PLXNA4: variants seen among roughly 807,000 people sequenced by gnomAD.
The protein encoded by PLXNA4 is plexin A4.
PLXNA4 carries 44 observed loss-of-function variants against 191.8 expected under a neutral mutation model. The ratio of observed to expected loss-of-function variants is 0.23; its 90% CI spans 0.18 to 0.29. The LOEUF is 0.29. Ranked by LOEUF, PLXNA4 falls within the 10% of genes least tolerant of loss-of-function variation. The pLI, the probability that PLXNA4 is intolerant of heterozygous loss-of-function variation, is 1.00. For synonymous variants in PLXNA4, 1,082 were observed against 1,009.5 expected (o/e 1.07, Z -1.36); for missense variants, 1,800 against 2,488.8 (o/e 0.72, Z 5.89).
intron 3 of PLXNA4, among the ~76,000 whole-genome samples, chr7:132,483,571 G>A (rs932916062): frequency 6.6e-6 from 1 of 152,218 alleles, no homozygotes; most frequent in Non-Finnish European, 1.5e-5. Flanking sequence ...TGACATTTGT[G>A]TATCAGCTGA....
chr7:132,161,856 C>T (rs1466596450), intron 24 of PLXNA4, among the ~76,000 whole-genome samples: 1 of 152,172 alleles, frequency 6.6e-6, no homozygotes, highest in Non-Finnish European at 1.5e-5. Flanking sequence ...GTACCCAGTG[C>T]TCTAGTGGGC....
intron 4 of PLXNA4, among the ~76,000 whole-genome samples, chr7:132,254,992 G>C (rs756994739): frequency 1.3e-5 from 2 of 152,084 alleles, no homozygotes; most frequent in Non-Finnish European, 2.9e-5. Flanking sequence ...CCATTCTCAG[G>C]GGGGGTGGCC....
Position 132,451,040 on chromosome 7 carries a change from C to T in PLXNA4, c.1371+38252G>A, listed in dbSNP as rs575718892. ...CTTCAAGGTGTAGATTATACAAACCCAGAAGTCCTAGTTACTCACTAACCC... is the reference window on the plus strand; with the variant it reads ...CTTCAAGGTGTAGATTATACAAACCTAGAAGTCCTAGTTACTCACTAACCC... On this transcript the variant is annotated intron_variant, in intron 3 of 31. Transcript: ENST00000321063. Among the ~76,000 whole-genome samples, 40 of 152,234 alleles carry T rather than the reference C, an allele frequency of 2.6e-4. No homozygotes were observed. In the South Asian group the frequency reaches 8.1e-3, roughly 31 times the overall value.
rs931473943 is a variant in PLXNA4 at position 132,130,036 on chromosome 7, C to T, written c.*443G>A. On this transcript the variant is annotated 3_prime_UTR_variant, in exon 32 of 32. Transcript: ENST00000321063. ...CAGTAAAGATAATACTGAAGTCCTTCCTTGCCTCTTCCCTAGGCCAAGGCT... is the reference window on the plus strand; with the variant it reads ...CAGTAAAGATAATACTGAAGTCCTTTCTTGCCTCTTCCCTAGGCCAAGGCT... 1 of 180,996 alleles carries T rather than the reference C, an allele frequency of 5.5e-6. No homozygotes were observed. The highest frequency in any genetic ancestry group is 5.4e-5 in the Admixed American group (1 of 18,410). The allele number at this position is 180,996 out of a possible 1,614,324, so 11.2% of individuals were successfully genotyped here.
chr7:132,622,962 T>G (rs2116869079), intron 2 of PLXNA4, among the ~76,000 whole-genome samples: 2 of 152,252 alleles, frequency 1.3e-5, no homozygotes, highest in Middle Eastern at 6.8e-3. Flanking sequence ...CTGTCAAAGC[T>G]ATTTGTGCAG....
chr7:132,311,193 T>TGTGCGC (rs71178034), intron 3 of PLXNA4, among the ~76,000 whole-genome samples: 5 of 89,828 alleles, frequency 5.6e-5, no homozygotes, highest in African/African-American at 1.2e-4. Context: ...TGTGTGTGTG[T>TGTGCGC]GCGCGTGTGG....
intron 30 of PLXNA4, among the ~76,000 whole-genome samples, chr7:132,137,218 C>CTT (rs1406597397): frequency 6.6e-6 from 1 of 152,100 alleles, no homozygotes; most frequent in Non-Finnish European, 1.5e-5. Context: ...ATTTAAAATT[C>CTT]TTAACCTTTT....
rs555232899 is a variant in PLXNA4 at position 132,142,446 on chromosome 7, C to T, written c.5226-1635G>A. Among the ~76,000 whole-genome samples, 3 of 152,304 alleles carry T rather than the reference C, an allele frequency of 2.0e-5. No individual in the cohort carries two copies. In the South Asian group the frequency reaches 6.2e-4, roughly 32 times the overall value. On this transcript the variant is annotated intron_variant, in intron 29 of 31. Transcript: ENST00000321063. ...TTAAATTCTTTGAATTACATCATTT[C>T]AATAGAACCAGTACAATATTTCTAT...
chr7:132,537,092 G>A (rs189841108), intron 1 of PLXNA4, among the ~76,000 whole-genome samples: 2 of 152,292 alleles, frequency 1.3e-5, no homozygotes, highest in Admixed American at 6.5e-5. Flanking sequence ...CTGGAGGAGC[G>A]AGCTTTCTTT....
chr7:132,630,743 C>A (rs769403117), intron 2 of PLXNA4, among the ~76,000 whole-genome samples: 3 of 152,118 alleles, frequency 2.0e-5, no homozygotes, highest in African/African-American at 7.2e-5. Context: ...AATCTCCTGA[C>A]CTTGTGATCC....
chr7:132,373,110 C>G (rs187470095), intron 3 of PLXNA4, among the ~76,000 whole-genome samples: 1 of 152,102 alleles, frequency 6.6e-6, no homozygotes, highest in Admixed American at 6.5e-5. Flanking sequence ...CCATTTTGCA[C>G]GGGCACTAAT....
At chr7:132,372,143 T>A (rs1410532391) in intron 3 of PLXNA4, among the ~76,000 whole-genome samples, 1 of 152,194 alleles carries the variant, frequency 6.6e-6, no homozygotes, top group Non-Finnish European at 1.5e-5. Flanking sequence ...AAGATTTACA[T>A]CACGTGACCT....
chr7:132,342,857 G>T (rs867734097), intron 3 of PLXNA4, among the ~76,000 whole-genome samples: 1 of 147,866 alleles, frequency 6.8e-6, no homozygotes, highest in Non-Finnish European at 1.5e-5. Flanking sequence ...TGAGGAGGGA[G>T]AATCGTTTGA....
chr7:132,181,739 G>A, intron 17 of PLXNA4, 119 bp from the exon 18 acceptor site: 2 of 1,475,130 alleles, frequency 1.4e-6, no homozygotes, highest in Non-Finnish European at 1.8e-6. Context: ...AAGAGGATTA[G>A]AGATGAGTCA....
intron 2 of PLXNA4, among the ~76,000 whole-genome samples, chr7:132,632,005 C>T (rs1189999188): frequency 6.6e-6 from 1 of 152,064 alleles, no homozygotes; most frequent in East Asian, 1.9e-4. Flanking sequence ...GAGGCCAAGG[C>T]GGGTGGATCA....
chr7:132,536,227 C>T (rs78390998), intron 1 of PLXNA4, among the ~76,000 whole-genome samples: 10 of 152,148 alleles, frequency 6.6e-5, no homozygotes, highest in South Asian at 2.1e-4. Flanking sequence ...TTGGTGTTTG[C>T]GGTTATTATT....
At chr7:132,322,732 T>G (rs1337104198) in intron 3 of PLXNA4, among the ~76,000 whole-genome samples, 1 of 152,238 alleles carries the variant, frequency 6.6e-6, no homozygotes, top group African/African-American at 2.4e-5. Context: ...CCGTGCTGTA[T>G]GTATTTTTAA....
intron 2 of PLXNA4, among the ~76,000 whole-genome samples, chr7:132,637,418 G>A (rs1469956789): frequency 6.6e-6 from 1 of 152,150 alleles, no homozygotes; most frequent in Admixed American, 6.5e-5. Context: ...CTCCTTGGTT[G>A]CCTTGAGCAC....
At chr7:132,361,420 GA>G (rs1803936780) in intron 3 of PLXNA4, among the ~76,000 whole-genome samples, 1 of 152,188 alleles carries the variant, frequency 6.6e-6, no homozygotes, top group Non-Finnish European at 1.5e-5. Context: ...TGCCCAGAGT[GA>G]TGGGTGAATT....
Sources: gnomAD v4.1 joint callset for allele counts (sites outside exome capture counted in the v4.1 genomes callset) on GRCh38, gnomAD v4.1.1 for gene constraint, MANE v1.5 for transcripts, NCBI Gene and HGNC (gene_info 2026-07-23, HGNC 2026-07-21) for gene names.